TRAPPC10: variants seen among roughly 807,000 people sequenced by gnomAD.
TRAPPC10 encodes TRAPP 130 kDa subunit.
A neutral mutation model predicts 125.5 loss-of-function variants in TRAPPC10; 23 were observed. The observed-to-expected ratio is 0.18, with a 90% CI of 0.13 to 0.26. The LOEUF is 0.26. Among genes scored for constraint, TRAPPC10 ranks in the 10% least tolerant of loss-of-function variants. The probability of loss-of-function intolerance (pLI) is 1.00; values close to 1 mark genes in which losing one functional copy is unlikely to be tolerated. For synonymous variants in TRAPPC10, 509 were observed against 518.0 expected, an observed-to-expected ratio of 0.98 and a Z score of 0.24; for missense variants, 1,123 against 1,308.4, an observed-to-expected ratio of 0.86 and a Z score of 2.19.
intron 1 of TRAPPC10, 30 bp downstream of exon 1, chr21:44,012,590 C>A: frequency 6.6e-7 from 1 of 1,523,466 alleles, no homozygotes; most frequent in Non-Finnish European, 8.8e-7. Context: ...GAGGGCGCGG[C>A]GGTCGTTGGG....
At chr21:44,032,202 CCT>C in intron 2 of TRAPPC10, 30 bp downstream of exon 2, 1 of 1,551,922 alleles carries the variant, frequency 6.4e-7, no homozygotes, top group South Asian at 1.2e-5. Context: ...TGGCTGTATC[CCT>C]CTCTTCATTT....
chr21:44,018,631 G>A (rs984762601), intron 1 of TRAPPC10, among the ~76,000 whole-genome samples: 1 of 151,702 alleles, frequency 6.6e-6, no homozygotes, highest in African/African-American at 2.4e-5. Flanking sequence ...TCTGGGAGGC[G>A]GAGGTTGCAG....
chr21:44,051,863 C>A (rs1300618316), intron 3 of TRAPPC10, among the ~76,000 whole-genome samples: 2 of 152,202 alleles, frequency 1.3e-5, no homozygotes, highest in African/African-American at 4.8e-5. Context: ...GCCAGCTTGC[C>A]TCCTGAGATG....
At chr21:44,045,405 A>C (rs375995876) in intron 3 of TRAPPC10, among the ~76,000 whole-genome samples, 150 of 151,462 alleles carry the variant, frequency 9.9e-4, no homozygotes, top group African/African-American at 3.5e-3. Flanking sequence ...AAATATTTTC[A>C]CTCGTTAGGG....
chr21:44,075,151 C>T lies in TRAPPC10; in HGVS notation c.1298C>T (p.Thr433Ile). 7.4e-6 allele frequency: 12 copies of T among 1,612,406 alleles called. No individual in the cohort carries two copies. The highest frequency in any genetic ancestry group is 1.0e-5 in the Non-Finnish European group (12 of 1,178,484). ...GGTTTGGGAGCTGAGCGACCAGAAA[C>T]AGGTACTTTTTTGTATATACCTGTG... ...LAGLGAERPETANTAQSPYKK... is the reference protein window; with the variant it reads ...LAGLGAERPEIANTAQSPYKK... The change falls in exon 9 of 23, where the codon ACA (threonine) becomes ATA (isoleucine). Residue 433 changes from threonine (T) to isoleucine (I), a missense_variant and splice_region_variant. Around this residue, in one of 4 missense-constraint regions of TRAPPC10, gnomAD observed 840 missense variants for 902.0 expected, o/e 0.93. Coordinates refer to ENST00000291574, the MANE Select transcript of TRAPPC10 (RefSeq NM_003274.5).
Position 44,037,924 on chromosome 21 carries a change from C to T in TRAPPC10, c.282C>T (p.Cys94=), listed in dbSNP as rs1306454142. 3 of 1,613,154 alleles carry T rather than the reference C, an allele frequency of 1.9e-6. No homozygotes were observed. The South Asian group carries it at 3.3e-5, about 18-fold the overall frequency. The change falls in exon 3 of 23, where the codon TGC becomes TGT. Residue 94 remains cysteine, a synonymous_variant. Transcript: ENST00000291574. ...TCCTCCATATTTACTGGACAGAGTGCTGTGTGAGTACCAGCAGGGGAAGAG... is the reference window on the plus strand; with the variant it reads ...TCCTCCATATTTACTGGACAGAGTGTTGTGTGAGTACCAGCAGGGGAAGAG... ...FPFLHIYWTE[C]CDTEVYKATV...
intron 1 of TRAPPC10, among the ~76,000 whole-genome samples, chr21:44,020,078 G>A (rs1251907614): frequency 6.6e-6 from 1 of 150,620 alleles, no homozygotes; most frequent in Admixed American, 6.6e-5. Flanking sequence ...TTTTAACAGT[G>A]ACCAGGGACC....
At chr21:44,025,454 C>T (rs1230247586) in intron 1 of TRAPPC10, among the ~76,000 whole-genome samples, 1 of 152,210 alleles carries the variant, frequency 6.6e-6, no homozygotes, top group African/African-American at 2.4e-5. Context: ...AATGTATACA[C>T]TGTTAAAGGC....
chr21:44,022,184 C>T (rs2032584067), intron 1 of TRAPPC10, among the ~76,000 whole-genome samples: 2 of 151,864 alleles, frequency 1.3e-5, no homozygotes, highest in Non-Finnish European at 2.9e-5. Flanking sequence ...TCTCAGCTCA[C>T]TGCAACCTCC....
At position 44,055,905 on chromosome 21, in the gene TRAPPC10, A is replaced by G. The variant is rs182932303; in HGVS notation, c.678+12A>G. 6.3e-7 allele frequency: 1 copy of G among 1,584,906 alleles called. No homozygotes were observed. The highest frequency in any genetic ancestry group is 2.3e-5 in the East Asian group (1 of 44,298). Reference sequence around the variant, plus strand: ...ATTTCATGGTTCAGGTACTTGACTCATTACAGAACTAGACAGTTCCTTCTC... The same window carrying G: ...ATTTCATGGTTCAGGTACTTGACTCGTTACAGAACTAGACAGTTCCTTCTC... On this transcript the variant is annotated intron_variant, in intron 5 of 22. Transcript: ENST00000291574.
In TRAPPC10 at chr21:44,012,684, G is replaced by C. The variant is rs567259013; in HGVS notation, c.67+124G>C. Reference sequence around the variant, plus strand: ...CTCCGGGCTGGGCCGCTTCCTGGAGGTGTGACCAGGGCTGCGGCTGAGGCG... The same window carrying C: ...CTCCGGGCTGGGCCGCTTCCTGGAGCTGTGACCAGGGCTGCGGCTGAGGCG... On this transcript the variant is annotated intron_variant, in intron 1 of 22. Transcript: ENST00000291574. 8.8e-5 allele frequency: 72 copies of C among 814,182 alleles called. No homozygotes were observed. The African/African-American group carries it at 1.1e-3, about 12-fold the overall frequency. 50.4% of individuals were successfully genotyped at this position (814,182 alleles called of 1,614,324 possible).
intron 5 of TRAPPC10, among the ~76,000 whole-genome samples, chr21:44,057,117 G>A (rs139522406): frequency 2.7e-4 from 41 of 152,206 alleles, no homozygotes; most frequent in African/African-American, 4.3e-4. Flanking sequence ...GAGGTCCCTC[G>A]AGTGCTCAGG....
chr21:44,016,563 T>C (rs1321020716), intron 1 of TRAPPC10, among the ~76,000 whole-genome samples: 2 of 152,244 alleles, frequency 1.3e-5, no homozygotes, highest in Non-Finnish European at 2.9e-5. Context: ...TAGAAACTTT[T>C]AAAGGGGAAA....
chr21:44,016,700 C>T (rs916413943), intron 1 of TRAPPC10, among the ~76,000 whole-genome samples: 37 of 152,110 alleles, frequency 2.4e-4, no homozygotes, highest in Non-Finnish European at 4.6e-4. Context: ...GCTTTGTTGC[C>T]CAGGCTGGAG....
intron 1 of TRAPPC10, among the ~76,000 whole-genome samples, chr21:44,029,525 G>A (rs9306169): frequency 0.26 from 39,275 of 152,146 alleles, 6,819 homozygotes; most frequent in African/African-American, 0.5. Flanking sequence ...AAATGGTGGT[G>A]ATTTTTCTTC....
chr21:44,072,610 C>G lies in TRAPPC10; in HGVS notation c.1039-1714C>G, dbSNP rs368991734. ...TCTCGAGTAGCTGGGATTACAGGTG[C>G]ATGCCACCACACCCGGCTAATTTTT... On this transcript the variant is annotated intron_variant, in intron 7 of 22. Coordinates refer to ENST00000291574, the MANE Select transcript of TRAPPC10 (RefSeq NM_003274.5). Among the ~76,000 whole-genome samples the G allele has an allele frequency of 2.0e-5, 3 of 152,302 alleles. No individual in the cohort carries two copies. The South Asian group carries it at 6.2e-4, about 32-fold the overall frequency.
chr21:44,026,310 C>T (rs1468722443), intron 1 of TRAPPC10, among the ~76,000 whole-genome samples: 1 of 152,186 alleles, frequency 6.6e-6, no homozygotes, highest in Admixed American at 6.5e-5. Context: ...TGTTAGTTTT[C>T]ACCATGAAAG....
chr21:44,035,161 G>A (rs190341524), intron 2 of TRAPPC10, among the ~76,000 whole-genome samples: 4 of 152,304 alleles, frequency 2.6e-5, no homozygotes, highest in Admixed American at 2.6e-4. Context: ...TAATGTTGCT[G>A]TCACGGGAGT....
intron 3 of TRAPPC10, among the ~76,000 whole-genome samples, chr21:44,049,666 A>G (rs564012567): frequency 6.6e-6 from 1 of 152,010 alleles, no homozygotes; most frequent in African/African-American, 2.4e-5. Flanking sequence ...ACTTCCCTCT[A>G]CTGCCACCTG....
Sources: allele counts gnomAD v4.1 joint callset (sites outside exome capture counted in the v4.1 genomes callset), GRCh38; gene constraint gnomAD v4.1.1; regional missense constraint gnomAD v4.1.1; transcripts MANE v1.5; gene names NCBI Gene and HGNC (gene_info 2026-07-23, HGNC 2026-07-21).